PTPRQ: variants seen among roughly 807,000 people sequenced by gnomAD.
PTPRQ encodes the protein phosphatidylinositol phosphatase PTPRQ.
A neutral mutation model predicts 246.0 loss-of-function variants in PTPRQ; 199 were observed. That is an observed-to-expected ratio of 0.81 (90% confidence interval 0.72 to 0.91). The LOEUF (loss-of-function observed/expected upper bound fraction) is 0.91. Among genes scored for constraint, PTPRQ ranks in the 40% least tolerant of loss-of-function variants. The pLI is 0.00. For synonymous variants in PTPRQ, 869 were observed against 853.2 expected (o/e 1.02, Z -0.32); for missense variants, 2,624 against 2,528.4 (o/e 1.04, Z -0.81).
At chr12:80,592,897 A>G (rs529323980) in intron 26 of PTPRQ, among the ~76,000 whole-genome samples, 11 of 151,810 alleles carry the variant, frequency 7.2e-5, no homozygotes, top group African/African-American at 2.7e-4. Flanking sequence ...TGTAATCCCA[A>G]CTCCTTGGGA....
chr12:80,656,373 G>T (rs1900433954), intron 38 of PTPRQ, among the ~76,000 whole-genome samples: 1 of 152,120 alleles, frequency 6.6e-6, no homozygotes, highest in South Asian at 2.1e-4. Flanking sequence ...TCTTGTAGCT[G>T]AGGTAACCAA....
chr12:80,465,358 A>C (rs1050038099), intron 6 of PTPRQ: 1 of 152,328 alleles, frequency 6.6e-6, no homozygotes, highest in Non-Finnish European at 1.5e-5. Context: ...TTGTGGCAAT[A>C]AGCAATAGCT....
At chr12:80,639,185 C>T (rs1424702885) in intron 35 of PTPRQ, among the ~76,000 whole-genome samples, 2 of 152,206 alleles carry the variant, frequency 1.3e-5, no homozygotes, top group East Asian at 3.8e-4. Context: ...ATGAGAGTCA[C>T]ATCACTTATA....
rs2120653096 is a variant in PTPRQ at position 80,495,391 on chromosome 12, T to TGTC, written c.1882+22_1882+23insCGT. The TGTC allele has an allele frequency of 6.7e-7, 1 of 1,489,146 alleles. No individual in the cohort carries two copies. The highest frequency in any genetic ancestry group is 8.9e-7 in the Non-Finnish European group (1 of 1,124,522). 92.2% of individuals were successfully genotyped at this position (1,489,146 alleles called of 1,614,324 possible). ...TAACAGGTAGAAAACAATGTTTTGTTGTTGTTGTTGTTGTTCATTTTACAT... is the reference window on the plus strand; with the variant it reads ...TAACAGGTAGAAAACAATGTTTTGTTGTCGTTGTTGTTGTTGTTCATTTTACAT... On this transcript the variant is annotated intron_variant, in intron 12 of 44. Transcript: ENST00000644991.
At position 80,569,989 on chromosome 12, in the gene PTPRQ, G is replaced by T. The variant is rs534913304; in HGVS notation, c.4286-18140G>T. On this transcript the variant is annotated intron_variant, in intron 25 of 44. Transcript: ENST00000644991. Reference sequence around the variant, plus strand: ...TCTTTATCCAGTCTATCATTGATGTGCATTTGGGTTGGTTCCAAGTCTTTG... The same window carrying T: ...TCTTTATCCAGTCTATCATTGATGTTCATTTGGGTTGGTTCCAAGTCTTTG... Among the ~76,000 whole-genome samples the T allele has an allele frequency of 2.6e-5, 4 of 152,232 alleles. No homozygotes were observed. The South Asian group carries it at 8.3e-4, about 32-fold the overall frequency.
At chr12:80,498,392 A>G (rs1405102051) in intron 14 of PTPRQ, among the ~76,000 whole-genome samples, 1 of 152,094 alleles carries the variant, frequency 6.6e-6, no homozygotes, top group Non-Finnish European at 1.5e-5. Context: ...TGAGAGGTTC[A>G]TTCATTCAAA....
At chr12:80,463,845 C>T (rs1388461492) in intron 6 of PTPRQ, among the ~76,000 whole-genome samples, 2 of 150,592 alleles carry the variant, frequency 1.3e-5, no homozygotes, top group Non-Finnish European at 3.0e-5. Flanking sequence ...CCAGGCCTGC[C>T]CTAAAAGAGC....
chr12:80,519,553 G>T (rs1347130275), intron 17 of PTPRQ, among the ~76,000 whole-genome samples: 1 of 152,112 alleles, frequency 6.6e-6, no homozygotes, highest in Non-Finnish European at 1.5e-5. Context: ...GAGGGATCGG[G>T]GTAGGAGCTT....
At chr12:80,492,997 A>G (rs769097841) in intron 9 of PTPRQ, among the ~76,000 whole-genome samples, 4 of 151,934 alleles carry the variant, frequency 2.6e-5, no homozygotes, top group South Asian at 2.1e-4. Context: ...TTATCTTACC[A>G]TAAAGAAACC....
rs1896316097 is a variant in PTPRQ, at chr12:80,546,640, A to G, written c.3958A>G (p.Lys1320Glu). The G allele has an allele frequency of 1.3e-6, 2 of 1,551,490 alleles. No individual in the cohort carries two copies. The highest frequency in any genetic ancestry group is 1.4e-5 in the African/African-American group (1 of 73,154). ...CTCTATCCGTGTATCTGCGTTCACC[A>G]AAGTTGGAAATGGCAATCAATTTAG... ...TYSIRVSAFT[K>E]VGNGNQFSNV... The change falls in exon 24 of 45, where the codon AAA becomes GAA. Residue 1320 changes from lysine (K) to glutamate (E), a missense_variant. Physicochemically the swap from Lys to Glu is moderately conservative, Grantham distance 56. Transcript: ENST00000644991.
At chr12:80,605,733 T>C (rs1341935865) in intron 27 of PTPRQ, among the ~76,000 whole-genome samples, 2 of 150,808 alleles carry the variant, frequency 1.3e-5, no homozygotes, top group African/African-American at 4.8e-5. Flanking sequence ...CTTTTGGCAA[T>C]CCCAGGCTAT....
rs768643435 is a variant in PTPRQ at position 80,670,483 on chromosome 12, T to C, written c.6593T>C (p.Val2198Ala). The C allele has an allele frequency of 6.5e-7, 1 of 1,547,200 alleles. No homozygotes were observed. Among genetic ancestry groups the C allele is most frequent in the South Asian group, 1.2e-5 (1 of 83,002 alleles). Reference protein sequence around the residue: ...SRAHDTTPMIVHCSAGVGRTG... With the variant: ...SRAHDTTPMIAHCSAGVGRTG... ...GCACATGACACCACACCTATGATTG[T>C]TCACTGCAGGTGAGAAAGTGATCAG... The change falls in exon 42 of 45, where the codon GTT (valine) becomes GCT (alanine). Residue 2198 changes from valine to alanine, a missense_variant. Val to Ala is a moderately conservative substitution (Grantham distance 64). Coordinates refer to ENST00000644991, the MANE Select transcript of PTPRQ (RefSeq NM_001145026.2).
intron 9 of PTPRQ, among the ~76,000 whole-genome samples, chr12:80,485,163 A>C (rs139111378): frequency 0.01 from 1,564 of 152,264 alleles, 17 homozygotes; most frequent in Non-Finnish European, 0.017. Flanking sequence ...TCTTTAGGCA[A>C]TGTGTTTGCT....
intron 17 of PTPRQ, among the ~76,000 whole-genome samples, chr12:80,521,970 C>T (rs573523787): frequency 7.9e-5 from 12 of 152,194 alleles, no homozygotes; most frequent in Admixed American, 1.3e-4. Flanking sequence ...GCCATTTTCA[C>T]GATATTGATT....
intron 25 of PTPRQ, among the ~76,000 whole-genome samples, chr12:80,579,089 T>C (rs12306795): frequency 0.034 from 5,194 of 152,250 alleles, 321 homozygotes; most frequent in African/African-American, 0.12. Context: ...CCTAATTATT[T>C]TTAACCTACC....
In PTPRQ at chr12:80,679,010, A is replaced by G; in HGVS notation, c.6887A>G (p.Glu2296Gly). 6.5e-7 allele frequency: 1 copy of G among 1,548,142 alleles called. No homozygotes were observed. Among genetic ancestry groups the G allele is most frequent in the Non-Finnish European group, 8.7e-7 (1 of 1,145,406 alleles). The change falls in exon 45 of 45, where the codon GAA (glutamate) becomes GGA (glycine). Residue 2296 changes from glutamate to glycine, a missense_variant. Physicochemically the swap from Glu to Gly is moderately conservative, Grantham distance 98. Coordinates refer to ENST00000644991, the MANE Select transcript of PTPRQ (RefSeq NM_001145026.2). The part of the protein sequence containing the change: ...MEGDVELEWE[E>G]TTM ...GGTGATGTTGAGCTTGAATGGGAAG[A>G]AACCACTATGTAAATATTCAGACCA...
intron 3 of PTPRQ, among the ~76,000 whole-genome samples, chr12:80,452,510 T>A (rs1396191989): frequency 1.3e-5 from 2 of 152,202 alleles, no homozygotes; most frequent in Admixed American, 1.3e-4. Context: ...GTACCGGTTG[T>A]TCTTTTCCAT....
chr12:80,470,486 T>C (rs1893588612), intron 7 of PTPRQ, among the ~76,000 whole-genome samples: 1 of 152,188 alleles, frequency 6.6e-6, no homozygotes. Context: ...TAAAATAATC[T>C]TCTAGAAGAG....
At chr12:80,559,544 T>G (rs1197317755) in intron 25 of PTPRQ, among the ~76,000 whole-genome samples, 1 of 152,220 alleles carries the variant, frequency 6.6e-6, no homozygotes, top group Non-Finnish European at 1.5e-5. Flanking sequence ...TGCTTGAAAC[T>G]ATGCTTGTTA....
Sources: allele counts gnomAD v4.1 joint callset (sites outside exome capture counted in the v4.1 genomes callset), GRCh38; gene constraint gnomAD v4.1.1; transcripts MANE v1.5; gene names NCBI Gene and HGNC (gene_info 2026-07-23, HGNC 2026-07-21).